PML: variants seen among roughly 807,000 people sequenced by gnomAD.
PML encodes the protein protein PML.
PML carries 28 observed loss-of-function variants against 65.2 expected under a neutral mutation model. That is an observed-to-expected ratio of 0.43 (90% CI 0.32 to 0.59). PML has a LOEUF of 0.59. PML is among the 20% of genes least tolerant of loss of function. The pLI is 0.08. For synonymous variants in PML, 500 were observed against 508.8 expected (o/e 0.98, Z 0.23); for missense variants, 1,021 against 1,203.4 (o/e 0.85, Z 2.24).
intron 4 of PML, chr15:74,027,676 T>A (rs1441854829): frequency 6.6e-6 from 1 of 152,248 alleles, no homozygotes; most frequent in Non-Finnish European, 1.5e-5. Context: ...CACTGTCTTG[T>A]GTGAAGGTCT....
chr15:73,996,107 T>C (rs1390437499), intron 1 of PML, among the ~76,000 whole-genome samples: 3 of 152,224 alleles, frequency 2.0e-5, no homozygotes, highest in Admixed American at 1.3e-4. Context: ...AGTTCCTATG[T>C]TAACCATTTA....
Position 74,025,506 on chromosome 15 carries a change from C to T in PML, c.1254+579C>T, listed in dbSNP as rs548420093. On this transcript the variant is annotated intron_variant, in intron 4 of 8. Transcript: ENST00000268058. ...GGGTTCTGCTGGTGTGATTCCAGGG[C>T]CACCATACATGTAACAAAGCAGACT... 1.8e-5 allele frequency: 3 copies of T among 164,232 alleles called. No individual in the cohort carries two copies. The South Asian group carries it at 4.8e-4, about 26-fold the overall frequency. 10.2% of individuals were successfully genotyped at this position (164,232 alleles called of 1,614,324 possible). A position where few individuals can be genotyped will look rare whatever the true frequency, so the allele number is the denominator to read the frequency against.
rs569562998 is a variant in PML, at chr15:74,035,564, C to T, written c.1710+1034C>T. 2.5e-6 allele frequency: 4 copies of T among 1,611,140 alleles called. No individual in the cohort carries two copies. In the South Asian group the frequency reaches 3.3e-5, roughly 13 times the overall value. ...CCAGCACTCCTGCCATCACAGGGCC[C>T]CTCAACCATCCTGCCAATGCCCAGG... On this transcript the variant is annotated intron_variant, in intron 7 of 8. Transcript: ENST00000268058. The surrounding 1 kb of genome is among the most constrained non-coding windows in gnomAD (Gnocchi z 4.1).
chr15:74,022,486 G>A (rs926240168), intron 2 of PML, among the ~76,000 whole-genome samples: 1 of 152,216 alleles, frequency 6.6e-6, no homozygotes, highest in Non-Finnish European at 1.5e-5. Flanking sequence ...GGTTTCAGTG[G>A]AGAGATGTGT....
chr15:74,042,832 A>G lies in PML; in HGVS notation c.1711-157A>G. On this transcript the variant is annotated intron_variant, in intron 7 of 8. Coordinates refer to ENST00000268058, the MANE Select transcript of PML (RefSeq NM_033238.3). The surrounding 1 kb of genome is among the most constrained non-coding windows in gnomAD (Gnocchi z 5.3). ...ACACCCAGTTCACACCCATTCATGCACACATACCTTCTCTTGTGCACACGT... is the reference window on the plus strand; with the variant it reads ...ACACCCAGTTCACACCCATTCATGCGCACATACCTTCTCTTGTGCACACGT... The G allele has an allele frequency of 1.0e-6, 1 of 985,192 alleles. No homozygotes were observed. The allele number at this position is 985,192 out of a possible 1,614,324, so 61.0% of individuals were successfully genotyped here.
Position 73,998,448 on chromosome 15 carries a change from C to T in PML, c.574C>T (p.Pro192Ser). Residue 192 changes from proline to serine, a missense_variant, in exon 2 of 9, where the codon CCC (proline) becomes TCC (serine). Pro to Ser is a moderately conservative substitution (Grantham distance 74, BLOSUM62 -1). Transcript: ENST00000268058. Reference sequence around the variant, plus strand: ...GACCAACAACATCTTCTGCTCCAACCCCAACCACCGCACCCCTACGCTGAC... The same window carrying T: ...GACCAACAACATCTTCTGCTCCAACTCCAACCACCGCACCCCTACGCTGAC... Reference protein sequence around the residue: ...RKTNNIFCSNPNHRTPTLTSI... With the variant: ...RKTNNIFCSNSNHRTPTLTSI... 6.2e-7 allele frequency: 1 copy of T among 1,614,056 alleles called. No individual in the cohort carries two copies. The highest frequency in any genetic ancestry group is 8.5e-7 in the Non-Finnish European group (1 of 1,179,982).
At chr15:74,039,266 C>T (rs147104180) in intron 7 of PML, among the ~76,000 whole-genome samples, 761 of 152,296 alleles carry the variant, frequency 5.0e-3, no homozygotes, top group Non-Finnish European at 8.7e-3. Context: ...TGGAGCTAGG[C>T]AGAAGGGCAG....
In PML at chr15:74,023,323, C is replaced by G; in HGVS notation, c.1098C>G (p.Ser366Arg). Reference sequence around the variant, plus strand: ...GCCTGCGCCAGGAGGAGCCCCAGAGCCTGCAAGCTGCCGTGCGCACCGATG... The same window carrying G: ...GCCTGCGCCAGGAGGAGCCCCAGAGGCTGCAAGCTGCCGTGCGCACCGATG... ...LCRLRQEEPQ[S>R]LQAAVRTDGF... is the part of the protein sequence containing the mutation. Residue 366 changes from serine to arginine, a missense_variant, in exon 3 of 9, where the codon AGC (serine) becomes AGG (arginine). Transcript: ENST00000268058. The G allele has an allele frequency of 1.2e-6, 2 of 1,607,606 alleles. No homozygotes were observed. Among genetic ancestry groups the G allele is most frequent in the Non-Finnish European group, 1.7e-6 (2 of 1,179,834 alleles).
intron 4 of PML, 107 bp downstream of exon 4, chr15:74,025,034 AC>A: frequency 1.3e-6 from 1 of 776,352 alleles, no homozygotes; most frequent in African/African-American, 1.7e-5. Flanking sequence ...TGAGTGAGGG[AC>A]AGCAAGTGGC....
At chr15:74,041,988 T>TG (rs2141895264) in intron 7 of PML, among the ~76,000 whole-genome samples, 1 of 152,318 alleles carries the variant, frequency 6.6e-6, no homozygotes, top group South Asian at 2.1e-4. Context: ...CGTCCACAGG[T>TG]GGCATTCATG....
Position 74,043,645 on chromosome 15 carries a change from C to T in PML, c.1861+506C>T. 2.0e-6 allele frequency: 1 copy of T among 500,848 alleles called. No individual in the cohort carries two copies. The highest frequency in any genetic ancestry group is 1.5e-5 in the South Asian group (1 of 64,538). The allele number at this position is 500,848 out of a possible 1,614,324, so 31.0% of individuals were successfully genotyped here. On this transcript the variant is annotated intron_variant, in intron 8 of 8. Transcript: ENST00000268058. This position sits in a 1 kb window ranked among gnomAD's most constrained non-coding sequence, Gnocchi z 4.3. Reference sequence around the variant, plus strand: ...TTGCCCTGGCTCTGCAAATGCCCCTCCTTGAGCCAGAGCCCCAGGCCCTAC... The same window carrying T: ...TTGCCCTGGCTCTGCAAATGCCCCTTCTTGAGCCAGAGCCCCAGGCCCTAC...
chr15:74,031,650 C>T (rs528786913), intron 4 of PML, among the ~76,000 whole-genome samples: 9 of 152,082 alleles, frequency 5.9e-5, no homozygotes, highest in South Asian at 2.1e-4. Context: ...TTTGTTTAAC[C>T]GTCTGTTTTC....
At chr15:73,995,977 C>A (rs2069478970) in intron 1 of PML, among the ~76,000 whole-genome samples, 1 of 152,158 alleles carries the variant, frequency 6.6e-6, no homozygotes, top group Non-Finnish European at 1.5e-5. Context: ...TGGTCTCTAA[C>A]TCCTGACCTC....
Position 74,035,883 on chromosome 15 carries a change from C to T in PML, c.1710+1353C>T, listed in dbSNP as rs2141882826. 6.2e-7 allele frequency: 1 copy of T among 1,613,726 alleles called. No individual in the cohort carries two copies. Among genetic ancestry groups the T allele is most frequent in the Non-Finnish European group, 8.5e-7 (1 of 1,179,992 alleles). On this transcript the variant is annotated intron_variant, in intron 7 of 8. Transcript: ENST00000268058. This position sits in a 1 kb window ranked among gnomAD's most constrained non-coding sequence, Gnocchi z 4.1. ...TCTGGAAGCCTCTCCAATTACATTC[C>T]CACCACCCTGTGCCCCAGAAAGGCC...
intron 2 of PML, among the ~76,000 whole-genome samples, chr15:74,008,985 G>A (rs2070195482): frequency 6.6e-6 from 1 of 152,214 alleles, no homozygotes; most frequent in Admixed American, 6.5e-5. Context: ...ACAAGGGAAA[G>A]GGAGCCTCAT....
In PML at chr15:74,035,118, G is replaced by A. The variant is rs1397231266; in HGVS notation, c.1710+588G>A. On this transcript the variant is annotated intron_variant, in intron 7 of 8. Coordinates refer to ENST00000268058, the MANE Select transcript of PML (RefSeq NM_033238.3). This position sits in a 1 kb window ranked among gnomAD's most constrained non-coding sequence, Gnocchi z 4.1. Reference sequence around the variant, plus strand: ...TCTGAATAGAGTGAAAGGTTGGACTGGGTGGCCCCTGAGGTCTCTTCCAGC... The same window carrying A: ...TCTGAATAGAGTGAAAGGTTGGACTAGGTGGCCCCTGAGGTCTCTTCCAGC... 2.4e-5 allele frequency: 28 copies of A among 1,143,818 alleles called. No homozygotes were observed. The highest frequency in any genetic ancestry group is 3.4e-5 in the Non-Finnish European group (26 of 755,454). The allele number at this position is 1,143,818 out of a possible 1,614,324, so 70.9% of individuals were successfully genotyped here.
rs973999150 is a variant in PML at position 74,037,592 on chromosome 15, C to T, written c.1710+3062C>T. ...CCCTCCTTGCCCCTTCTTCACCCCACCTCCTGCGCTTCCCCGCCAGTACCA... is the reference window on the plus strand; with the variant it reads ...CCCTCCTTGCCCCTTCTTCACCCCATCTCCTGCGCTTCCCCGCCAGTACCA... On this transcript the variant is annotated intron_variant, in intron 7 of 8. Coordinates refer to ENST00000268058, the MANE Select transcript of PML (RefSeq NM_033238.3). The surrounding 1 kb of genome is among the most constrained non-coding windows in gnomAD (Gnocchi z 4.2). 1.0e-5 allele frequency: 10 copies of T among 985,390 alleles called. No homozygotes were observed. The highest frequency in any genetic ancestry group is 1.1e-4 in the East Asian group (1 of 8,816). The allele number at this position is 985,390 out of a possible 1,614,324, so 61.0% of individuals were successfully genotyped here.
At chr15:74,029,968 G>GAGGAGGGA (rs1403396580) in intron 4 of PML, among the ~76,000 whole-genome samples, 2 of 152,166 alleles carry the variant, frequency 1.3e-5, no homozygotes, top group Non-Finnish European at 2.9e-5. Context: ...GGAAGGAAGG[G>GAGGAGGGA]AGGAGGGAAG....
intron 7 of PML, among the ~76,000 whole-genome samples, chr15:74,038,254 T>C (rs995276669): frequency 6.6e-6 from 1 of 151,918 alleles, no homozygotes; most frequent in Non-Finnish European, 1.5e-5. Context: ...CCAGATGTCA[T>C]GGAGAATCAA....
Sources: gnomAD v4.1 joint callset for allele counts (sites outside exome capture counted in the v4.1 genomes callset) on GRCh38, gnomAD v4.1.1 for gene constraint, Gnocchi (gnomAD v3.1) non-coding constraint, MANE v1.5 for transcripts, NCBI Gene and HGNC (gene_info 2026-07-23, HGNC 2026-07-21) for gene names.